The following FHIP1B variants were observed in gnomAD, a reference collection of about 807,000 sequenced individuals.
The protein encoded by FHIP1B is FHF complex subunit HOOK interacting protein 1B, also known as FHF complex subunit HOOK-interacting protein 1B.
A neutral mutation model predicts 82.2 loss-of-function variants in FHIP1B; 28 were observed. The observed-to-expected ratio is 0.34, with a 90% CI of 0.25 to 0.47. FHIP1B has a LOEUF of 0.47. Ranked by LOEUF, FHIP1B falls within the 20% of genes least tolerant of loss-of-function variation. The pLI is 1.00. For missense variants in FHIP1B, 1,110 were observed against 1,262.6 expected (o/e 0.88, Z 1.83); for synonymous variants, 585 against 516.1 (o/e 1.13, Z -1.81).
At chr11:6,226,624 G>A (rs325621) in intron 1 of FHIP1B, among the ~76,000 whole-genome samples, 44,067 of 152,054 alleles carry the variant, frequency 0.29, 8,732 homozygotes, top group African/African-American at 0.57. Flanking sequence ...ATGGTACCGT[G>A]AAAGAACACG....
At chr11:6,211,932 G>C in intron 11 of FHIP1B, 65 bp from the exon 12 acceptor site, 1 of 1,483,708 alleles carries the variant, frequency 6.7e-7, no homozygotes, top group Non-Finnish European at 8.9e-7. Flanking sequence ...ACTGAGAGGG[G>C]AGATTCCCCC....
At chr11:6,220,371 C>A (rs576149143) in intron 6 of FHIP1B, among the ~76,000 whole-genome samples, 151 of 152,234 alleles carry the variant, frequency 9.9e-4, no homozygotes, top group African/African-American at 3.6e-3. Flanking sequence ...ACCCCACCCC[C>A]CAAAATTTTG....
At chr11:6,220,162 G>C (rs1847366723) in intron 6 of FHIP1B, among the ~76,000 whole-genome samples, 1 of 152,110 alleles carries the variant, frequency 6.6e-6, no homozygotes, top group South Asian at 2.1e-4. Context: ...AGATAATAGA[G>C]ATCCATAGAT....
chr11:6,217,013 AATATGG>A, intron 9 of FHIP1B: 3 of 682,442 alleles, frequency 4.4e-6, no homozygotes, highest in Non-Finnish European at 8.0e-6. Flanking sequence ...ATACGTCTTC[AATATGG>A]TTCAGAAATA....
intron 11 of FHIP1B, among the ~76,000 whole-genome samples, chr11:6,213,612 A>C (rs1419221082): frequency 6.6e-6 from 1 of 152,186 alleles, no homozygotes; most frequent in Non-Finnish European, 1.5e-5. Context: ...ACACATTGCA[A>C]ATGTTCAAGA....
chr11:6,212,639 G>A (rs569555014), intron 11 of FHIP1B, among the ~76,000 whole-genome samples: 2 of 152,240 alleles, frequency 1.3e-5, no homozygotes, highest in South Asian at 2.1e-4. Flanking sequence ...AGATTTCTGG[G>A]TCTGGATCCA....
chr11:6,217,760 C>A lies in FHIP1B; in HGVS notation c.1826G>T (p.Gly609Val). ...CCTCCTCCCCAGCTCTTCCTCCTCC[C>A]CTTCCCCCACGTTGTTCCTGTCCTC... ...PEEDRNNVGE[G>V]EEEELGRRGR... The change falls in exon 9 of 12, where the codon GGG becomes GTG. Residue 609 changes from glycine to valine, a missense_variant. Gly to Val is a moderately radical substitution (Grantham distance 109). Around this residue, in one of 6 missense-constraint regions of FHIP1B, gnomAD observed 418 missense variants for 371.4 expected, o/e 1.13. Transcript: ENST00000449352. The A allele has an allele frequency of 6.2e-7, 1 of 1,608,098 alleles. No homozygotes were observed. Among genetic ancestry groups the A allele is most frequent in the Non-Finnish European group, 8.5e-7 (1 of 1,176,568 alleles).
intron 7 of FHIP1B, 39 bp from the exon 8 acceptor site, chr11:6,218,802 G>C (rs1180190678): frequency 6.2e-7 from 1 of 1,608,680 alleles, no homozygotes; most frequent in African/African-American, 1.3e-5. Flanking sequence ...GGGTAGATCA[G>C]GAAGGAAGGA....
intron 11 of FHIP1B, 128 bp downstream of exon 11, chr11:6,214,283 T>A (rs1161277000): frequency 8.8e-7 from 1 of 1,138,996 alleles, no homozygotes; most frequent in African/African-American, 1.5e-5. Flanking sequence ...AGAACAAACA[T>A]GAAGACTCAA....
At chr11:6,218,268 A>G in intron 8 of FHIP1B, 118 bp from the exon 9 acceptor site, 1 of 1,388,970 alleles carries the variant, frequency 7.2e-7, no homozygotes, top group South Asian at 1.5e-5. Flanking sequence ...GAATCTATTC[A>G]GACAGCTAAC....
intron 1 of FHIP1B, among the ~76,000 whole-genome samples, chr11:6,230,163 A>G (rs984923649): frequency 6.6e-6 from 1 of 152,180 alleles, no homozygotes; most frequent in Non-Finnish European, 1.5e-5. Context: ...TCGGAACTGC[A>G]GATACAGGGC....
chr11:6,222,990 C>T, intron 4 of FHIP1B, 90 bp downstream of exon 4: 1 of 1,578,490 alleles, frequency 6.3e-7, no homozygotes, highest in Non-Finnish European at 8.7e-7. Flanking sequence ...CATCCTACTT[C>T]CAAGATGGAA....
At chr11:6,229,057 T>C (rs1023398419) in intron 1 of FHIP1B, among the ~76,000 whole-genome samples, 3 of 152,250 alleles carry the variant, frequency 2.0e-5, no homozygotes, top group African/African-American at 7.2e-5. Flanking sequence ...CAGCTTGAGC[T>C]ATCTGCCACC....
Position 6,224,198 on chromosome 11 carries a change from T to C in FHIP1B, c.189A>G (p.Ala63=). ...RQGPRAAPGG[A]DDLSAVRNHT... ...GGTTGCGCACAGCACTGAGATCGTC[T>C]GCACCCCCAGGAGCTGCCCGAGGGC... The change falls in exon 3 of 12, where the codon GCA becomes GCG. Residue 63 remains alanine (A), a synonymous_variant. Coordinates refer to ENST00000449352, the MANE Select transcript of FHIP1B (RefSeq NM_001098794.2). 6.2e-7 allele frequency: 1 copy of C among 1,612,684 alleles called. No individual in the cohort carries two copies. The highest frequency in any genetic ancestry group is 8.5e-7 in the Non-Finnish European group (1 of 1,179,214).
intron 9 of FHIP1B, chr11:6,216,815 G>A (rs117413565): frequency 4.8e-5 from 26 of 545,898 alleles, no homozygotes; most frequent in Admixed American, 4.3e-4. Context: ...CAAGGAAAGC[G>A]AACAGGAAAA....
chr11:6,219,093 T>G, intron 6 of FHIP1B, 43 bp from the exon 7 acceptor site: 2 of 1,498,244 alleles, frequency 1.3e-6, no homozygotes, highest in Non-Finnish European at 1.8e-6. Context: ...ATAAGAGCTC[T>G]CTGCCCTCCA....
At chr11:6,213,178 G>C (rs1248818117) in intron 11 of FHIP1B, among the ~76,000 whole-genome samples, 2 of 152,178 alleles carry the variant, frequency 1.3e-5, no homozygotes, top group Non-Finnish European at 2.9e-5. Flanking sequence ...CCATGCAAAA[G>C]AACTTTACCT....
At position 6,224,618 on chromosome 11, in the gene FHIP1B, G is replaced by A. The variant is rs1044815162; in HGVS notation, c.-102C>T. 1.4e-5 allele frequency: 17 copies of A among 1,247,118 alleles called. No homozygotes were observed. The African/African-American group carries it at 2.1e-4, about 16-fold the overall frequency. 77.3% of individuals were successfully genotyped at this position (1,247,118 alleles called of 1,614,324 possible). On this transcript the variant is annotated 5_prime_UTR_variant, in exon 2 of 12. It introduces an in-frame stop codon into an upstream open reading frame of the 5' UTR. Transcript: ENST00000449352. ...GTCTCCAGTCTGCTTCATCCGGTCTGTAGGAGCCAGTAGCTGCCCATGGAG... is the reference window on the plus strand; with the variant it reads ...GTCTCCAGTCTGCTTCATCCGGTCTATAGGAGCCAGTAGCTGCCCATGGAG...
Position 6,217,815 on chromosome 11 carries a change from G to A in FHIP1B, c.1771C>T (p.Arg591Trp), listed in dbSNP as rs575632431. Reference protein sequence around the residue: ...PSPEPSPFGSRTKKRSLLPEE... With the variant: ...PSPEPSPFGSWTKKRSLLPEE... ...GGCAGTAGGCTGCGTTTCTTAGTCC[G>A]GGAGCCAAAAGGACTGGGCTCAGGA... is the stretch of plus-strand genomic sequence containing the variant. The change falls in exon 9 of 12, where the codon CGG becomes TGG. Residue 591 changes from arginine to tryptophan, a missense_variant. Arg to Trp is a moderately radical substitution (Grantham distance 101). Around this residue, in one of 6 missense-constraint regions of FHIP1B, gnomAD observed 418 missense variants for 371.4 expected, o/e 1.13. Coordinates refer to ENST00000449352, the MANE Select transcript of FHIP1B (RefSeq NM_001098794.2). 3.2e-5 allele frequency: 52 copies of A among 1,612,288 alleles called. No homozygotes were observed. Among genetic ancestry groups the A allele is most frequent in the Non-Finnish European group, 4.1e-5 (48 of 1,179,344 alleles).
Sources: allele counts gnomAD v4.1 joint callset (sites outside exome capture counted in the v4.1 genomes callset), GRCh38; gene constraint gnomAD v4.1.1; regional missense constraint gnomAD v4.1.1; transcripts MANE v1.5; gene names NCBI Gene and HGNC (gene_info 2026-07-23, HGNC 2026-07-21).